Variants in GRAMD2B observed in about 807,000 individuals in gnomAD.
The protein encoded by GRAMD2B is GRAM domain-containing protein 2B.
A neutral mutation model predicts 59.2 loss-of-function variants in GRAMD2B; 41 were observed. The ratio of observed to expected loss-of-function variants is 0.69; its 90% CI spans 0.54 to 0.90. The LOEUF (loss-of-function observed/expected upper bound fraction) is 0.90. GRAMD2B is among the 40% of genes least tolerant of loss of function. The pLI, the probability that GRAMD2B is intolerant of heterozygous loss-of-function variation, is 0.00. For missense variants in GRAMD2B, 424 were observed against 500.5 expected (o/e 0.85, Z 1.46); for synonymous variants, 161 against 182.7 (o/e 0.88, Z 0.96).
chr5:126,362,431 T>C (rs1218726874), intron 1 of GRAMD2B, among the ~76,000 whole-genome samples: 2 of 152,216 alleles, frequency 1.3e-5, no homozygotes, highest in African/African-American at 4.8e-5. Context: ...TTGACAATCA[T>C]CATTATTAGT....
intron 7 of GRAMD2B, 46 bp from the exon 8 acceptor site, chr5:126,480,580 TG>T: frequency 6.2e-7 from 1 of 1,608,030 alleles, no homozygotes; most frequent in African/African-American, 1.3e-5. Context: ...GTATTTCTTA[TG>T]GTTTCATAGT....
chr5:126,405,436 T>G (rs1308474266), intron 1 of GRAMD2B, among the ~76,000 whole-genome samples: 1 of 151,916 alleles, frequency 6.6e-6, no homozygotes, highest in Non-Finnish European at 1.5e-5. Flanking sequence ...CTAAGCTTCC[T>G]CAATGGTACA....
At chr5:126,379,459 C>G (rs1755477558) in intron 1 of GRAMD2B, among the ~76,000 whole-genome samples, 1 of 152,124 alleles carries the variant, frequency 6.6e-6, no homozygotes, top group Admixed American at 6.5e-5. Flanking sequence ...GATCTATTTT[C>G]AGTTCTTTAA....
upstream of GRAMD2B, chr5:126,371,173 T>C (rs1028399827): frequency 1.9e-5 from 6 of 312,966 alleles, no homozygotes; most frequent in Non-Finnish European, 2.9e-5. Flanking sequence ...GGTGTTCATC[T>C]TAGTGAACTA....
In GRAMD2B at chr5:126,372,541, T is replaced by C. The variant is rs182810877; in HGVS notation, c.125+974T>C. On this transcript the variant is annotated intron_variant, in intron 1 of 8. Transcript: ENST00000506445. Reference sequence around the variant, plus strand: ...ATTCACATATCAGAATGCCAGGTTATGAAAATAAATTAAACACTTTTAAAA... The same window carrying C: ...ATTCACATATCAGAATGCCAGGTTACGAAAATAAATTAAACACTTTTAAAA... Among the ~76,000 whole-genome samples, 44 of 152,264 alleles carry C rather than the reference T, an allele frequency of 2.9e-4. No individual in the cohort carries two copies. The East Asian group carries it at 3.5e-3, about 12-fold the overall frequency.
At chr5:126,419,119 T>G (rs1355729344), upstream of GRAMD2B, among the ~76,000 whole-genome samples, 1 of 152,168 alleles carries the variant, frequency 6.6e-6, no homozygotes, top group Admixed American at 6.5e-5. Flanking sequence ...GACCATACAT[T>G]GTGTATTAGT....
chr5:126,494,049 T>G lies in GRAMD2B; in HGVS notation c.*1093T>G, dbSNP rs1774350013. ...ATGAAATGTATTTTATTTAATCAGATAAGCTAATAAGCGAATTGGTTACAT... is the reference window on the plus strand; with the variant it reads ...ATGAAATGTATTTTATTTAATCAGAGAAGCTAATAAGCGAATTGGTTACAT... On this transcript the variant is annotated 3_prime_UTR_variant, in exon 14 of 14. Transcript: ENST00000285689. The G allele has an allele frequency of 6.5e-6, 1 of 152,686 alleles. No individual in the cohort carries two copies. The highest frequency in any genetic ancestry group is 6.5e-5 in the Admixed American group (1 of 15,292). The allele number at this position is 152,686 out of a possible 1,614,324, so 9.5% of individuals were successfully genotyped here. A position where few individuals can be genotyped will look rare whatever the true frequency, so the allele number is the denominator to read the frequency against.
At position 126,493,712 on chromosome 5, in the gene GRAMD2B, T is replaced by C. The variant is rs1391040473; in HGVS notation, c.*756T>C. 6.6e-6 allele frequency: 1 copy of C among 152,418 alleles called. No individual in the cohort carries two copies. Among genetic ancestry groups the C allele is most frequent in the East Asian group, 1.9e-4 (1 of 5,200 alleles). 9.4% of individuals were successfully genotyped at this position (152,418 alleles called of 1,614,324 possible). A position where few individuals can be genotyped will look rare whatever the true frequency, so the allele number is the denominator to read the frequency against. On this transcript the variant is annotated 3_prime_UTR_variant, in exon 14 of 14. Transcript: ENST00000285689. ...ACTTATTTTGAAACCAAACCTAATT[T>C]TTAAGCCAAAAGGTGTAATAGTGAT...
At chr5:126,484,002 T>C (rs565619032) in intron 9 of GRAMD2B, among the ~76,000 whole-genome samples, 1 of 152,124 alleles carries the variant, frequency 6.6e-6, no homozygotes, top group Non-Finnish European at 1.5e-5. Flanking sequence ...CTAATTTTTG[T>C]TATTTTTAGT....
chr5:126,483,893 A>G (rs1275165194), intron 9 of GRAMD2B, among the ~76,000 whole-genome samples: 1 of 152,236 alleles, frequency 6.6e-6, no homozygotes, highest in Admixed American at 6.5e-5. Context: ...GCAATGGCAC[A>G]ATCTCGGCTC....
chr5:126,383,908 G>T (rs758879296), intron 1 of GRAMD2B, among the ~76,000 whole-genome samples: 9 of 152,166 alleles, frequency 5.9e-5, no homozygotes, highest in African/African-American at 9.6e-5. Flanking sequence ...AGAGAACTAC[G>T]TGAGATTCCC....
At chr5:126,410,121 A>G (rs1298291286) in intron 1 of GRAMD2B, among the ~76,000 whole-genome samples, 21 of 151,902 alleles carry the variant, frequency 1.4e-4, no homozygotes, top group East Asian at 1.2e-3. Flanking sequence ...GTCAGGTAGC[A>G]TGATGCCTCC....
intron 1 of GRAMD2B, among the ~76,000 whole-genome samples, chr5:126,410,921 T>C (rs191795866): frequency 1.8e-4 from 27 of 152,232 alleles, no homozygotes; most frequent in African/African-American, 6.5e-4. Flanking sequence ...TTGAGAAGTA[T>C]CTGGTCATGT....
chr5:126,360,817 ACT>A lies in GRAMD2B; in HGVS notation c.128+361_128+362del, dbSNP rs150901479. 5.8e-3 allele frequency among the ~76,000 whole-genome samples: 875 copies of A among 152,088 alleles called. 11 individuals are homozygous for A. The highest frequency in any genetic ancestry group is 0.02 in the African/African-American group (824 of 41,498). ...TTGAAAGATACAGTTGCAATCTAAG[ACT>A]CTATGTGTTCGGGAGAACTCAGTAT... On this transcript the variant is annotated intron_variant, in intron 1 of 13. Coordinates refer to the GRAMD2B transcript ENST00000513040.
At chr5:126,451,150 G>A (rs996456761) in intron 1 of GRAMD2B, among the ~76,000 whole-genome samples, 2 of 152,224 alleles carry the variant, frequency 1.3e-5, no homozygotes, top group East Asian at 3.9e-4. Context: ...AGCCACAGAG[G>A]CAGAACTGTC....
chr5:126,363,451 G>A (rs1754311326), intron 1 of GRAMD2B, among the ~76,000 whole-genome samples: 1 of 152,074 alleles, frequency 6.6e-6, no homozygotes, highest in Admixed American at 6.6e-5. Flanking sequence ...TCATTCCTAG[G>A]TATATAATCA....
upstream of GRAMD2B, among the ~76,000 whole-genome samples, chr5:126,422,481 A>G (rs1433004244): frequency 1.3e-5 from 2 of 152,156 alleles, no homozygotes; most frequent in Non-Finnish European, 2.9e-5. Context: ...TTACAGGCGT[A>G]AGCCACCGTG....
chr5:126,463,408 G>A (rs1038513696), intron 1 of GRAMD2B, among the ~76,000 whole-genome samples: 4 of 151,990 alleles, frequency 2.6e-5, no homozygotes, highest in Admixed American at 6.6e-5. Flanking sequence ...TGGGGGAAGC[G>A]AAAAAAGGCA....
chr5:126,438,318 G>A (rs566077294), intron 1 of GRAMD2B, among the ~76,000 whole-genome samples: 1 of 152,290 alleles, frequency 6.6e-6, no homozygotes, highest in Admixed American at 6.5e-5. Context: ...TGCAGAGAGG[G>A]AGAATATGAA....
Sources: gnomAD v4.1 joint callset for allele counts (sites outside exome capture counted in the v4.1 genomes callset) on GRCh38, gnomAD v4.1.1 for gene constraint, MANE v1.5 for transcripts, NCBI Gene and HGNC (gene_info 2026-07-23, HGNC 2026-07-21) for gene names.